Variants in MCTP1 observed in about 807,000 individuals in gnomAD.
MCTP1 encodes multiple C2 and transmembrane domain containing 1, also known as multiple C2 and transmembrane domain-containing protein 1.
In MCTP1, 69 loss-of-function variants were observed where a neutral mutation model predicts 120.6. The ratio of observed to expected loss-of-function variants is 0.57; its 90% CI spans 0.47 to 0.70. The LOEUF is 0.70. MCTP1 is among the 30% of genes least tolerant of loss of function. The pLI is 0.00. For missense variants in MCTP1, 1,203 were observed against 1,248.8 expected (o/e 0.96, Z 0.55); for synonymous variants, 529 against 493.1 (o/e 1.07, Z -0.96).
At chr5:94,774,873 A>C (rs1249692312) in intron 19 of MCTP1, among the ~76,000 whole-genome samples, 2 of 152,180 alleles carry the variant, frequency 1.3e-5, no homozygotes, top group Non-Finnish European at 2.9e-5. Flanking sequence ...ATTTCATTGA[A>C]TATAACTAGA....
intron 2 of MCTP1, chr5:94,979,433 GGAGA>G (rs1828913548): frequency 6.6e-6 from 1 of 152,066 alleles, no homozygotes; most frequent in South Asian, 2.1e-4. Context: ...TGTTTCTCTT[GGAGA>G]AGAGTGAATG....
chr5:94,743,620 T>C (rs1766108814), intron 19 of MCTP1, among the ~76,000 whole-genome samples: 1 of 145,146 alleles, frequency 6.9e-6, no homozygotes, highest in African/African-American at 2.5e-5. Context: ...CAAGAGAAGC[T>C]CAAAATCCAC....
intron 1 of MCTP1, among the ~76,000 whole-genome samples, chr5:95,224,126 G>C (rs1365333468): frequency 2.0e-5 from 3 of 152,176 alleles, no homozygotes; most frequent in Admixed American, 1.3e-4. Flanking sequence ...CTGCCATAAA[G>C]GGCATGTTAC....
At chr5:94,925,175 A>G (rs537808694) in intron 6 of MCTP1, among the ~76,000 whole-genome samples, 3 of 152,152 alleles carry the variant, frequency 2.0e-5, no homozygotes, top group East Asian at 1.9e-4. Context: ...CCTTCCTTTC[A>G]CTAGAGTCTA....
At chr5:94,851,694 TCA>T (rs1032700634) in intron 17 of MCTP1, among the ~76,000 whole-genome samples, 1 of 151,948 alleles carries the variant, frequency 6.6e-6, no homozygotes, top group Admixed American at 6.6e-5. Context: ...GTTAAAGAGG[TCA>T]CACATAACAA....
intron 1 of MCTP1, among the ~76,000 whole-genome samples, chr5:95,233,797 G>A (rs1485973530): frequency 6.6e-6 from 1 of 151,986 alleles, no homozygotes; most frequent in Admixed American, 6.6e-5. Flanking sequence ...AAAAGCAAAA[G>A]GTTCTCAAAT....
chr5:94,940,712 T>C (rs1817516138), intron 4 of MCTP1, among the ~76,000 whole-genome samples: 1 of 150,684 alleles, frequency 6.6e-6, no homozygotes, highest in African/African-American at 2.4e-5. Context: ...AATGATTACA[T>C]ACAAAAATTA....
intron 1 of MCTP1, among the ~76,000 whole-genome samples, chr5:95,120,805 A>G (rs1758164439): frequency 6.6e-6 from 1 of 152,204 alleles, no homozygotes; most frequent in Non-Finnish European, 1.5e-5. Flanking sequence ...CATGACTGTT[A>G]TTCAACACAG....
At chr5:95,244,594 G>A (rs1265088524) in intron 1 of MCTP1, among the ~76,000 whole-genome samples, 4 of 152,206 alleles carry the variant, frequency 2.6e-5, no homozygotes, top group African/African-American at 4.8e-5. Flanking sequence ...AACAGTCTGC[G>A]ATCAATCTGT....
At chr5:94,876,789 C>G (rs528551499) in intron 12 of MCTP1, among the ~76,000 whole-genome samples, 2 of 152,048 alleles carry the variant, frequency 1.3e-5, no homozygotes, top group African/African-American at 4.8e-5. Context: ...ACCATGACAG[C>G]TAGGAAGGAA....
chr5:94,714,060 A>T (rs1002079321), intron 20 of MCTP1, among the ~76,000 whole-genome samples: 1 of 152,164 alleles, frequency 6.6e-6, no homozygotes, highest in South Asian at 2.1e-4. Context: ...TATATCTTTT[A>T]ACTGATAATT....
chr5:95,109,221 A>C (rs1582268351), intron 1 of MCTP1, among the ~76,000 whole-genome samples: 1 of 152,058 alleles, frequency 6.6e-6, no homozygotes, highest in East Asian at 1.9e-4. Flanking sequence ...CACCAGAAAA[A>C]CCTCCTATAT....
At chr5:94,765,835 A>T (rs1434910956) in intron 19 of MCTP1, among the ~76,000 whole-genome samples, 2 of 152,054 alleles carry the variant, frequency 1.3e-5, no homozygotes, top group Non-Finnish European at 2.9e-5. Context: ...AGAGGGGGAA[A>T]AAAAAAAGAC....
chr5:94,943,284 T>A (rs976034129), intron 3 of MCTP1, among the ~76,000 whole-genome samples: 4 of 151,670 alleles, frequency 2.6e-5, no homozygotes, highest in African/African-American at 9.7e-5. Flanking sequence ...TGGGAAGGAG[T>A]ACGCATGCTA....
At chr5:94,763,420 T>G (rs1270909344) in intron 19 of MCTP1, among the ~76,000 whole-genome samples, 1 of 152,232 alleles carries the variant, frequency 6.6e-6, no homozygotes, top group East Asian at 1.9e-4. Context: ...ACATACTCCT[T>G]GATTTTATAT....
intron 1 of MCTP1, among the ~76,000 whole-genome samples, chr5:95,241,540 A>G (rs1019895624): frequency 1.3e-5 from 2 of 152,194 alleles, no homozygotes; most frequent in African/African-American, 4.8e-5. Flanking sequence ...AGCTTAGCCA[A>G]TATTTTAGTG....
chr5:94,711,700 G>A (rs917428189), intron 20 of MCTP1, among the ~76,000 whole-genome samples: 2 of 149,976 alleles, frequency 1.3e-5, no homozygotes, highest in South Asian at 2.1e-4. Context: ...AAATGGAAAC[G>A]AGACCAATGA....
chr5:95,007,881 A>G (rs552073279), intron 2 of MCTP1, among the ~76,000 whole-genome samples: 105 of 152,336 alleles, frequency 6.9e-4, no homozygotes, highest in Non-Finnish European at 1.3e-3. Flanking sequence ...GTAGACTTGA[A>G]GAGTTTCAGA....
intron 19 of MCTP1, among the ~76,000 whole-genome samples, chr5:94,765,074 A>G (rs1772261402): frequency 6.6e-6 from 1 of 152,168 alleles, no homozygotes; most frequent in African/African-American, 2.4e-5. Context: ...AAATAAAACT[A>G]GAAATCAATA....
Sources: gnomAD v4.1 joint callset for allele counts (sites outside exome capture counted in the v4.1 genomes callset) on GRCh38, gnomAD v4.1.1 for gene constraint, MANE v1.5 for transcripts, NCBI Gene and HGNC (gene_info 2026-07-23, HGNC 2026-07-21) for gene names.